Variants in MMP2 observed in about 807,000 individuals in gnomAD.
MMP2 encodes 72 kDa type IV collagenase.
In MMP2, 39 loss-of-function variants were observed where a neutral mutation model predicts 74.8. The ratio of observed to expected loss-of-function variants is 0.52; its 90% confidence interval spans 0.40 to 0.68. MMP2 has a LOEUF of 0.68. Ranked by LOEUF, MMP2 falls within the 30% of genes least tolerant of loss-of-function variation. The pLI is 0.00. For synonymous variants in MMP2, 367 were observed against 339.8 expected (o/e 1.08, Z -0.88); for missense variants, 803 against 878.3 (o/e 0.91, Z 1.08).
chr16:55,500,177 C>G (rs1962630018), intron 11 of MMP2, among the ~76,000 whole-genome samples: 1 of 152,174 alleles, frequency 6.6e-6, no homozygotes, highest in African/African-American at 2.4e-5. Flanking sequence ...CAGGAAACCA[C>G]AGAGCAGGCT....
intron 11 of MMP2, among the ~76,000 whole-genome samples, chr16:55,501,597 A>T (rs932093735): frequency 2.6e-5 from 4 of 152,168 alleles, no homozygotes; most frequent in Admixed American, 2.0e-4. Flanking sequence ...TTTTGTAAGA[A>T]TGAGTTTTAT....
Position 55,479,207 on chromosome 16 carries a change from A to C in MMP2, c.-273A>C, listed in dbSNP as rs1962031912. 8.0e-6 allele frequency: 2 copies of C among 249,794 alleles called. No homozygotes were observed. The highest frequency in any genetic ancestry group is 1.5e-5 in the Non-Finnish European group (2 of 132,754). 15.5% of individuals were successfully genotyped at this position (249,794 alleles called of 1,614,324 possible). ...GCCCTCCCTTGTTTCCGCTGCATCC[A>C]GACTTCCTCAGGCGGTGGCTGGAGG... On this transcript the variant is annotated 5_prime_UTR_variant, in exon 1 of 13. Transcript: ENST00000219070.
intron 8 of MMP2, 44 bp from the exon 9 acceptor site, chr16:55,493,114 A>G (rs11640428): frequency 1.2e-6 from 2 of 1,610,092 alleles, no homozygotes; most frequent in East Asian, 2.2e-5. Flanking sequence ...AGTGGGGAGA[A>G]CCTCTGGAGC....
intron 12 of MMP2, among the ~76,000 whole-genome samples, chr16:55,504,960 G>GTT (rs34621950): frequency 6.7e-6 from 1 of 149,976 alleles, no homozygotes; most frequent in South Asian, 2.1e-4. Context: ...CCACAGTTGA[G>GTT]TTTTTTTTTT....
At chr16:55,498,160 G>C (rs568804331) in intron 10 of MMP2, 129 bp from the exon 11 acceptor site, 120 of 1,195,434 alleles carry the variant, frequency 1.0e-4, no homozygotes, top group Non-Finnish European at 1.4e-4. Context: ...CTGCAACCAG[G>C]AGTGAGCAGG....
chr16:55,501,415 G>T (rs1354519359), intron 11 of MMP2, among the ~76,000 whole-genome samples: 3 of 152,236 alleles, frequency 2.0e-5, no homozygotes, highest in African/African-American at 7.2e-5. Flanking sequence ...TCTGTGGGTA[G>T]AATGAGAAAG....
At chr16:55,490,971 G>T (rs1962389162) in intron 7 of MMP2, among the ~76,000 whole-genome samples, 1 of 152,076 alleles carries the variant, frequency 6.6e-6, no homozygotes, top group Non-Finnish European at 1.5e-5. Flanking sequence ...TAAAATCACG[G>T]CGTCAGTAAG....
rs1040070851 is a variant in MMP2 at position 55,498,121 on chromosome 16, G to A, written c.1610-168G>A. On this transcript the variant is annotated intron_variant, in intron 10 of 12. Coordinates refer to ENST00000219070, the MANE Select transcript of MMP2 (RefSeq NM_004530.6). ...GCACCTTCTGTAATTGACTTCTAAA[G>A]CCCTCTGTGTGAGCCCTGATTCTGG... Among the ~76,000 whole-genome samples the A allele has an allele frequency of 3.3e-5, 5 of 152,308 alleles. No homozygotes were observed. The East Asian group carries it at 9.6e-4, about 29-fold the overall frequency.
At chr16:55,497,411 A>G (rs1251169675) in intron 10 of MMP2, among the ~76,000 whole-genome samples, 1 of 152,204 alleles carries the variant, frequency 6.6e-6, no homozygotes, top group Non-Finnish European at 1.5e-5. Context: ...GGCAGGTAAC[A>G]GTTTTAGTTC....
intron 10 of MMP2, 21 bp from the exon 11 acceptor site, chr16:55,498,268 C>T (rs749003732): frequency 9.9e-6 from 16 of 1,613,618 alleles, no homozygotes; most frequent in Non-Finnish European, 1.4e-5. Context: ...CCAGCCAACA[C>T]ACCCTTTGCT....
chr16:55,503,290 T>A (rs1337675261), intron 12 of MMP2, among the ~76,000 whole-genome samples: 1 of 152,176 alleles, frequency 6.6e-6, no homozygotes, highest in Non-Finnish European at 1.5e-5. Context: ...CAAGGCAAAC[T>A]TTGTCATGCT....
Position 55,491,950 on chromosome 16 carries a change from C to T in MMP2, c.1330C>T (p.Leu444Phe). 1.9e-6 allele frequency: 3 copies of T among 1,603,398 alleles called. No homozygotes were observed. The highest frequency in any genetic ancestry group is 2.3e-5 in the East Asian group (1 of 44,070). ...GGATGACATCAAGGGCATTCAGGAGCTCTATGGTAAACCTCCGGGCGGGGG... is the reference window on the plus strand; with the variant it reads ...GGATGACATCAAGGGCATTCAGGAGTTCTATGGTAAACCTCCGGGCGGGGG... ...SQDDIKGIQE[L>F]YGASPDIDLG... Residue 444 changes from leucine to phenylalanine, a missense_variant, in exon 8 of 13, where the codon CTC (leucine) becomes TTC (phenylalanine). This residue lies in a region of MMP2 where 555 missense variants were observed against 592.0 expected (regional missense o/e 0.94). Transcript: ENST00000219070.
In MMP2 at chr16:55,493,478, G is replaced by C. The variant is rs1466621624; in HGVS notation, c.1472+185G>C. On this transcript the variant is annotated intron_variant, in intron 9 of 12. Coordinates refer to ENST00000219070, the MANE Select transcript of MMP2 (RefSeq NM_004530.6). ...CAGTGGATTTGCACCCAAGCATTTT[G>C]TTTGCTCTCTCATAGTCTGTGGGTC... 5.3e-5 allele frequency among the ~76,000 whole-genome samples: 8 copies of C among 152,162 alleles called. No individual in the cohort carries two copies. The South Asian group carries it at 8.3e-4, about 16-fold the overall frequency.
At chr16:55,493,108 G>A in intron 8 of MMP2, 50 bp from the exon 9 acceptor site, 1 of 1,610,390 alleles carries the variant, frequency 6.2e-7, no homozygotes, top group Non-Finnish European at 8.5e-7. Context: ...CACCCTAGTG[G>A]GGAGAACCTC....
At position 55,484,076 on chromosome 16, in the gene MMP2, C is replaced by T; in HGVS notation, c.441C>T (p.Ala147=). 1 of 1,614,178 alleles carries T rather than the reference C, an allele frequency of 6.2e-7. No individual in the cohort carries two copies. The highest frequency in any genetic ancestry group is 1.1e-5 in the South Asian group (1 of 91,082). ...CAGTGGATGATGCCTTTGCTCGTGC[C>T]TTCCAAGTCTGGAGCGATGTGACCC... ...PETVDDAFAR[A]FQVWSDVTPL... is the part of the protein sequence containing the mutation. The change falls in exon 3 of 13, where the codon GCC becomes GCT. Residue 147 remains alanine, a synonymous_variant. Coordinates refer to ENST00000219070, the MANE Select transcript of MMP2 (RefSeq NM_004530.6).
chr16:55,501,430 G>A (rs1229660242), intron 11 of MMP2, among the ~76,000 whole-genome samples: 1 of 152,210 alleles, frequency 6.6e-6, no homozygotes, highest in Non-Finnish European at 1.5e-5. Context: ...AGAAAGAAAT[G>A]AGGGCCAGTT....
intron 5 of MMP2, among the ~76,000 whole-genome samples, chr16:55,486,322 C>CGTGTGTGT (rs35367564): frequency 1.7e-4 from 22 of 128,038 alleles, no homozygotes; most frequent in South Asian, 1.0e-3. Flanking sequence ...TCTGCTAATG[C>CGTGTGTGT]GTGTGTGTGT....
At chr16:55,488,035 T>C (rs1205874339) in intron 5 of MMP2, 3 of 207,586 alleles carry the variant, frequency 1.4e-5, no homozygotes, top group Admixed American at 5.4e-5. Flanking sequence ...GATTAGTGTG[T>C]TTTGTAGTTT....
intron 9 of MMP2, among the ~76,000 whole-genome samples, chr16:55,494,755 T>G (rs17859958): frequency 1.3e-5 from 2 of 152,174 alleles, no homozygotes; most frequent in Non-Finnish European, 2.9e-5. Flanking sequence ...AGAACTGACA[T>G]GGCAAGATGA....
Sources: allele counts gnomAD v4.1 joint callset (sites outside exome capture counted in the v4.1 genomes callset), GRCh38; gene constraint gnomAD v4.1.1; regional missense constraint gnomAD v4.1.1; transcripts MANE v1.5; gene names NCBI Gene and HGNC (gene_info 2026-07-23, HGNC 2026-07-21).